The following MAP1B variants were observed in gnomAD, a reference collection of about 807,000 sequenced individuals.
MAP1B encodes the protein microtubule associated protein 1B, also known as microtubule-associated protein 1B.
Under a neutral mutation model 176.1 loss-of-function variants are expected in MAP1B, and 12 were observed. The observed-to-expected ratio is 0.07, with a 90% CI of 0.04 to 0.11. MAP1B has a LOEUF of 0.11. Ranked by LOEUF, MAP1B falls within the 10% of genes least tolerant of loss-of-function variation. The pLI is 1.00. For missense variants in MAP1B, 2,523 were observed against 2,990.5 expected (o/e 0.84, Z 3.65); for synonymous variants, 1,044 against 1,135.0 (o/e 0.92, Z 1.61).
chr5:72,121,425 A>G (rs1745528217), intron 2 of MAP1B, among the ~76,000 whole-genome samples: 1 of 152,210 alleles, frequency 6.6e-6, no homozygotes, highest in African/African-American at 2.4e-5. Flanking sequence ...AATCATCATA[A>G]AATGTGATGG....
At chr5:72,188,973 A>G (rs974840581) in intron 4 of MAP1B, among the ~76,000 whole-genome samples, 28 of 152,190 alleles carry the variant, frequency 1.8e-4, no homozygotes, top group African/African-American at 6.5e-4. Context: ...AGGATTGCCC[A>G]TTGTTGCCTT....
In MAP1B at chr5:72,197,436, G is replaced by T. The variant is rs921492649; in HGVS notation, c.4081G>T (p.Val1361Leu). 1.5e-5 allele frequency: 25 copies of T among 1,614,084 alleles called. No homozygotes were observed. Among genetic ancestry groups the T allele is most frequent in the Non-Finnish European group, 2.0e-5 (24 of 1,180,038 alleles). Reference protein sequence around the residue: ...EVIEKPPAVPVSFEFSDAKDE... With the variant: ...EVIEKPPAVPLSFEFSDAKDE... ...CATTGAAAAACCACCAGCAGTTCCAGTGAGTTTTGAATTCAGTGATGCCAA... is the reference window on the plus strand; with the variant it reads ...CATTGAAAAACCACCAGCAGTTCCATTGAGTTTTGAATTCAGTGATGCCAA... Residue 1361 changes from valine to leucine, a missense_variant, in exon 5 of 7, where the codon GTG (valine) becomes TTG (leucine). This residue lies in a region of MAP1B where 1,925 missense variants were observed against 2,126.0 expected (regional missense o/e 0.91). Transcript: ENST00000296755.
At chr5:72,179,931 A>G (rs1333348616) in intron 2 of MAP1B, 2 of 985,342 alleles carry the variant, frequency 2.0e-6, no homozygotes, top group African/African-American at 1.7e-5. Context: ...GTCACGTGGC[A>G]TTTGTTTTGT....
At chr5:72,130,448 G>T (rs1229459371) in intron 2 of MAP1B, among the ~76,000 whole-genome samples, 22 of 152,214 alleles carry the variant, frequency 1.4e-4, no homozygotes, top group Admixed American at 1.4e-3. Flanking sequence ...ATGATGAGGT[G>T]TCATAGGCTT....
At position 72,199,370 on chromosome 5, in the gene MAP1B, C is replaced by T. The variant is rs1747269420; in HGVS notation, c.6015C>T (p.Ser2005=). 1 of 1,614,018 alleles carries T rather than the reference C, an allele frequency of 6.2e-7. No homozygotes were observed. Among genetic ancestry groups the T allele is most frequent in the Admixed American group, 1.7e-5 (1 of 60,006 alleles). The change falls in exon 5 of 7, where the codon AGC becomes AGT. Residue 2005 remains serine, a synonymous_variant. Transcript: ENST00000296755. The surrounding 1 kb of genome is among the most constrained non-coding windows in gnomAD (Gnocchi z 4.2). The stretch of plus-strand genomic sequence containing the variant: ...GTGGCCACACACTTGGGGACCCCAG[C>T]TACTCTTATGAAACCACTGAGAAAA... ...EDGGHTLGDP[S]YSYETTEKIT...
Position 72,199,282 on chromosome 5 carries a change from A to C in MAP1B, c.5927A>C (p.Lys1976Thr), listed in dbSNP as rs147683098. The change falls in exon 5 of 7, where the codon AAG (lysine) becomes ACG (threonine). Residue 1976 changes from lysine (K) to threonine (T), a missense_variant. Coordinates refer to ENST00000296755, the MANE Select transcript of MAP1B (RefSeq NM_005909.5). The surrounding 1 kb of genome is among the most constrained non-coding windows in gnomAD (Gnocchi z 4.2). ...PPEVSGYSYE[K>T]TERSRRLLDD... The stretch of plus-strand genomic sequence containing the variant: ...GAAGTGAGTGGTTACAGCTATGAAA[A>C]GACTGAGAGGTCTAGAAGGCTTCTG... The C allele has an allele frequency of 3.2e-5, 51 of 1,614,064 alleles. No homozygotes were observed. In the African/African-American group the frequency reaches 6.3e-4, roughly 20 times the overall value.
intron 5 of MAP1B, among the ~76,000 whole-genome samples, chr5:72,202,855 T>A (rs1379636023): frequency 6.6e-6 from 1 of 152,248 alleles, no homozygotes; most frequent in Non-Finnish European, 1.5e-5. Flanking sequence ...CAGTCTGATA[T>A]GTCCTGATTA....
At chr5:72,177,151 C>G (rs893772885) in intron 2 of MAP1B, among the ~76,000 whole-genome samples, 2 of 152,142 alleles carry the variant, frequency 1.3e-5, no homozygotes, top group Non-Finnish European at 2.9e-5. Context: ...GGATCATGTC[C>G]TCCCTCAGGG....
chr5:72,179,129 A>G (rs111382402), intron 2 of MAP1B, among the ~76,000 whole-genome samples: 15,763 of 152,008 alleles, frequency 0.1, 951 homozygotes, highest in East Asian at 0.19. Flanking sequence ...GTCACACACA[A>G]TCTTCTCCAC....
rs772490569 is a variant in MAP1B at position 72,197,931 on chromosome 5, G to A, written c.4576G>A (p.Val1526Ile). The change falls in exon 5 of 7, where the codon GTC becomes ATC. Residue 1526 changes from valine to isoleucine, a missense_variant. Val to Ile is a conservative substitution (Grantham distance 29). Transcript: ENST00000296755. The part of the protein sequence containing the change: ...DTKMSISEGT[V>I]SDKSATPVDE... ...TAAGATGTCCATTTCTGAAGGTACT[G>A]TCTCAGACAAGTCAGCTACTCCTGT... The A allele has an allele frequency of 1.2e-6, 2 of 1,614,214 alleles. No individual in the cohort carries two copies. The highest frequency in any genetic ancestry group is 3.3e-5 in the Admixed American group (2 of 60,032).
chr5:72,153,503 A>T (rs558214830), intron 2 of MAP1B, among the ~76,000 whole-genome samples: 3 of 151,936 alleles, frequency 2.0e-5, no homozygotes, highest in Admixed American at 2.0e-4. Flanking sequence ...AATTGAAGAC[A>T]AGCAGAAGTG....
chr5:72,142,220 G>A (rs1745960287), intron 2 of MAP1B, among the ~76,000 whole-genome samples: 1 of 152,160 alleles, frequency 6.6e-6, no homozygotes, highest in African/African-American at 2.4e-5. Flanking sequence ...GCGAATTGGA[G>A]CACATTCAAA....
chr5:72,178,888 T>A (rs1746707571), intron 2 of MAP1B, among the ~76,000 whole-genome samples: 1 of 152,074 alleles, frequency 6.6e-6, no homozygotes, highest in Non-Finnish European at 1.5e-5. Flanking sequence ...TAGCAAAACA[T>A]AAGCTACTAA....
rs144381482 is a variant in MAP1B at position 72,143,436 on chromosome 5, C to G, written c.286+27637C>G. Among the ~76,000 whole-genome samples the G allele has an allele frequency of 8.6e-3, 1,305 of 152,258 alleles. 24 individuals are homozygous for G. The highest frequency in any genetic ancestry group is 0.03 in the African/African-American group (1,240 of 41,550). ...AACGTCATCCACAATTGAATTATGTCTTTATATTTGCAGTGTCTTCTTGGA... is the reference window on the plus strand; with the variant it reads ...AACGTCATCCACAATTGAATTATGTGTTTATATTTGCAGTGTCTTCTTGGA... On this transcript the variant is annotated intron_variant, in intron 2 of 6. Transcript: ENST00000296755.
chr5:72,175,749 CA>C (rs1411448912), intron 2 of MAP1B, among the ~76,000 whole-genome samples: 1 of 152,022 alleles, frequency 6.6e-6, no homozygotes, highest in Non-Finnish European at 1.5e-5. Flanking sequence ...CATGGAAAAC[CA>C]AACCAAAACC....
intron 2 of MAP1B, among the ~76,000 whole-genome samples, chr5:72,178,655 A>G (rs186786311): frequency 2.7e-4 from 41 of 152,120 alleles, no homozygotes; most frequent in African/African-American, 9.2e-4. Context: ...AGTAGAAATC[A>G]GAGGCTTGCT....
intron 2 of MAP1B, among the ~76,000 whole-genome samples, chr5:72,174,049 C>A (rs1159441175): frequency 6.6e-6 from 1 of 152,196 alleles, no homozygotes; most frequent in Non-Finnish European, 1.5e-5. Flanking sequence ...AGAATCACTT[C>A]AGCCCGGGAG....
In MAP1B at chr5:72,199,092, A is replaced by T; in HGVS notation, c.5737A>T (p.Thr1913Ser). 6.2e-7 allele frequency: 1 copy of T among 1,614,138 alleles called. No homozygotes were observed. Among genetic ancestry groups the T allele is most frequent in the Non-Finnish European group, 8.5e-7 (1 of 1,180,010 alleles). ...TTACTATGAGAAGATAGAGAGAACC[A>T]CAAAATCTCCAAGTGACAGTGGCTA... ...GYYYEKIERTTKSPSDSGYSY... is the reference protein window; with the variant it reads ...GYYYEKIERTSKSPSDSGYSY... The change falls in exon 5 of 7, where the codon ACA becomes TCA. Residue 1913 changes from threonine to serine, a missense_variant. Coordinates refer to ENST00000296755, the MANE Select transcript of MAP1B (RefSeq NM_005909.5). The surrounding 1 kb of genome is among the most constrained non-coding windows in gnomAD (Gnocchi z 4.2).
intron 2 of MAP1B, among the ~76,000 whole-genome samples, chr5:72,164,702 G>A (rs1029051088): frequency 5.9e-5 from 9 of 152,166 alleles, no homozygotes; most frequent in Non-Finnish European, 1.2e-4. Flanking sequence ...TCTGAGGTGG[G>A]TGGGACCTCA....
Sources: allele counts gnomAD v4.1 joint callset (sites outside exome capture counted in the v4.1 genomes callset), GRCh38; gene constraint gnomAD v4.1.1; regional missense constraint gnomAD v4.1.1; non-coding constraint Gnocchi (gnomAD v3.1); transcripts MANE v1.5; gene names NCBI Gene and HGNC (gene_info 2026-07-23, HGNC 2026-07-21).